WDR7: variants seen among roughly 807,000 people sequenced by gnomAD.
WDR7 encodes the protein WD repeat-containing protein 7.
A neutral mutation model predicts 169.4 loss-of-function variants in WDR7; 46 were observed. That is an observed-to-expected ratio of 0.27 (90% CI 0.21 to 0.35). WDR7 has a LOEUF of 0.35. Ranked by LOEUF, WDR7 falls within the 10% of genes least tolerant of loss-of-function variation. WDR7 has a pLI of 1.00. For missense variants in WDR7, 1,534 were observed against 1,859.3 expected (o/e 0.83, Z 3.22); for synonymous variants, 612 against 666.8 (o/e 0.92, Z 1.27).
chr18:56,764,978 C>G (rs1020332465), intron 16 of WDR7, among the ~76,000 whole-genome samples: 5 of 151,994 alleles, frequency 3.3e-5, no homozygotes, highest in African/African-American at 1.2e-4. Context: ...ATTATTTGAC[C>G]CTCGTCATTA....
chr18:56,898,004 G>C (rs1420269439), intron 21 of WDR7, among the ~76,000 whole-genome samples: 1 of 151,858 alleles, frequency 6.6e-6, no homozygotes, highest in Admixed American at 6.6e-5. Flanking sequence ...AAAGATGTTG[G>C]TTTTGAAATA....
chr18:56,732,916 T>C (rs1385793293), intron 14 of WDR7, among the ~76,000 whole-genome samples: 1 of 152,208 alleles, frequency 6.6e-6, no homozygotes, highest in Non-Finnish European at 1.5e-5. Context: ...CTCCCAGATA[T>C]ATTCTTTTTC....
At chr18:57,012,010 T>C (rs143836345) in intron 26 of WDR7, among the ~76,000 whole-genome samples, 2 of 152,254 alleles carry the variant, frequency 1.3e-5, no homozygotes, top group African/African-American at 4.8e-5. Context: ...GTGAAAACCT[T>C]CAGGCACTGA....
intron 26 of WDR7, among the ~76,000 whole-genome samples, chr18:56,967,189 G>GATACCAAAATCCATAGA (rs2047421654): frequency 1.3e-5 from 2 of 151,616 alleles, no homozygotes; most frequent in African/African-American, 4.9e-5. Context: ...GAGCGCTTGG[G>GATACCAAAATCCATAGA]TGGAAAAGTT....
At chr18:57,002,718 G>A (rs1027675774) in intron 26 of WDR7, among the ~76,000 whole-genome samples, 5 of 152,012 alleles carry the variant, frequency 3.3e-5, no homozygotes, top group Non-Finnish European at 7.4e-5. Flanking sequence ...CATTTTTTCT[G>A]GATTAAGTTT....
intron 21 of WDR7, among the ~76,000 whole-genome samples, chr18:56,918,041 G>A (rs954056650): frequency 1.3e-5 from 2 of 152,142 alleles, no homozygotes; most frequent in Non-Finnish European, 2.9e-5. Flanking sequence ...GCTTTTTAAA[G>A]GATTTTGTTT....
chr18:56,767,249 C>G (rs1022834231), intron 16 of WDR7, among the ~76,000 whole-genome samples: 1 of 152,150 alleles, frequency 6.6e-6, no homozygotes, highest in African/African-American at 2.4e-5. Flanking sequence ...CGAGTAGTTT[C>G]TTTACAGACA....
chr18:56,904,680 G>A (rs1054634068), intron 21 of WDR7, among the ~76,000 whole-genome samples: 2 of 152,124 alleles, frequency 1.3e-5, no homozygotes, highest in African/African-American at 4.8e-5. Flanking sequence ...AAGAATCCAT[G>A]TGCAGAGTCT....
At chr18:56,843,058 C>T (rs1388619595) in intron 20 of WDR7, among the ~76,000 whole-genome samples, 2 of 152,116 alleles carry the variant, frequency 1.3e-5, no homozygotes, top group Admixed American at 6.5e-5. Context: ...TGATTCATCC[C>T]GTTACCTCTG....
intron 20 of WDR7, among the ~76,000 whole-genome samples, chr18:56,839,853 G>C (rs1006336247): frequency 5.3e-5 from 8 of 152,132 alleles, no homozygotes; most frequent in Admixed American, 2.0e-4. Context: ...ACGCCGTCAG[G>C]TGTTAGAGAC....
At chr18:56,775,681 T>C (rs1258682846) in intron 16 of WDR7, among the ~76,000 whole-genome samples, 1 of 152,168 alleles carries the variant, frequency 6.6e-6, no homozygotes, top group Non-Finnish European at 1.5e-5. Flanking sequence ...GAGTTGCTTT[T>C]TGTGTTATTT....
intron 27 of WDR7, among the ~76,000 whole-genome samples, chr18:57,023,313 AG>A (rs1226440474): frequency 6.6e-6 from 1 of 152,202 alleles, no homozygotes; most frequent in Non-Finnish European, 1.5e-5. Flanking sequence ...TATTCCAGTA[AG>A]TGTACTGTAA....
chr18:56,726,933 TCA>T (rs775481204), intron 13 of WDR7, among the ~76,000 whole-genome samples: 204 of 152,252 alleles, frequency 1.3e-3, no homozygotes, highest in Middle Eastern at 3.4e-3. Context: ...TTCTTCATAG[TCA>T]CACAGTAATC....
At chr18:56,816,380 C>A (rs563848229) in intron 20 of WDR7, among the ~76,000 whole-genome samples, 1 of 152,268 alleles carries the variant, frequency 6.6e-6, no homozygotes, top group African/African-American at 2.4e-5. Context: ...AACCTACTAG[C>A]TGTGCACTTG....
chr18:56,922,967 C>G (rs1286271396), intron 21 of WDR7, among the ~76,000 whole-genome samples: 1 of 152,156 alleles, frequency 6.6e-6, no homozygotes, highest in Non-Finnish European at 1.5e-5. Flanking sequence ...AAGTCAGGCT[C>G]AGTGAGTACC....
At chr18:56,827,608 G>A (rs2045231323) in intron 20 of WDR7, among the ~76,000 whole-genome samples, 1 of 152,058 alleles carries the variant, frequency 6.6e-6, no homozygotes, top group Non-Finnish European at 1.5e-5. Context: ...TACAAAAATA[G>A]GTAGAAAGAA....
rs184707659 is a variant in WDR7 at position 57,028,951 on chromosome 18, G to C, written c.*1744G>C. ...TTTAGACTTTATTTGTTTGGTGAAC[G>C]TGCTGTTGTGTTTGGCATAGCTAGA... On this transcript the variant is annotated 3_prime_UTR_variant, in exon 28 of 28. Coordinates refer to ENST00000254442, the MANE Select transcript of WDR7 (RefSeq NM_015285.3). The C allele has an allele frequency of 2.0e-5, 3 of 152,618 alleles. No individual in the cohort carries two copies. Among genetic ancestry groups the C allele is most frequent in the Non-Finnish European group, 4.4e-5 (3 of 68,046 alleles). The allele number at this position is 152,618 out of a possible 1,614,324, so 9.5% of individuals were successfully genotyped here.
chr18:56,799,388 C>A (rs12326170), intron 19 of WDR7, among the ~76,000 whole-genome samples: 8,678 of 151,858 alleles, frequency 0.057, 817 homozygotes, highest in African/African-American at 0.2. Flanking sequence ...TACTTGAGGT[C>A]ACATATTTGT....
chr18:57,016,823 T>A lies in WDR7; in HGVS notation c.4165-3922T>A, dbSNP rs188462515. Among the ~76,000 whole-genome samples the A allele has an allele frequency of 5.4e-4, 82 of 152,342 alleles. 1 individual carries two copies. The highest frequency in any genetic ancestry group is 6.8e-3 in the Middle Eastern group (2 of 294). On this transcript the variant is annotated intron_variant, in intron 26 of 27. Coordinates refer to ENST00000254442, the MANE Select transcript of WDR7 (RefSeq NM_015285.3). The stretch of plus-strand genomic sequence containing the variant: ...ACTCTTATCTCCTGCTAGGAATAAT[T>A]GCTTGATTTTTTTTAATTGTTTGTA...
Sources: allele counts gnomAD v4.1 joint callset (sites outside exome capture counted in the v4.1 genomes callset), GRCh38; gene constraint gnomAD v4.1.1; transcripts MANE v1.5; gene names NCBI Gene and HGNC (gene_info 2026-07-23, HGNC 2026-07-21).